DYNC1I1: variants seen among roughly 807,000 people sequenced by gnomAD.
DYNC1I1 encodes the protein dynein cytoplasmic 1 intermediate chain 1.
Under a neutral mutation model 86.6 loss-of-function variants are expected in DYNC1I1, and 43 were observed. The ratio of observed to expected loss-of-function variants is 0.50; its 90% confidence interval spans 0.39 to 0.64. The LOEUF is 0.64. Among genes scored for constraint, DYNC1I1 ranks in the 30% least tolerant of loss-of-function variants. The probability of loss-of-function intolerance (pLI) is 0.00; values close to 1 mark genes in which losing one functional copy is unlikely to be tolerated. For synonymous variants in DYNC1I1, 262 were observed against 283.7 expected, an observed-to-expected ratio of 0.92 and a Z score of 0.77; for missense variants, 604 against 788.8, an observed-to-expected ratio of 0.77 and a Z score of 2.81.
chr7:95,984,944 A>T lies in DYNC1I1; in HGVS notation c.710A>T (p.Asp237Val). 1.2e-6 allele frequency: 2 copies of T among 1,613,498 alleles called. No individual in the cohort carries two copies. The highest frequency in any genetic ancestry group is 1.7e-6 in the Non-Finnish European group (2 of 1,179,644). Residue 237 changes from aspartate (D) to valine (V), a missense_variant, in exon 8 of 17, where the codon GAC becomes GTC. Transcript: ENST00000447467. Reference sequence around the variant, plus strand: ...GCTGAAGATTCCGACATCTTTTTTGACTACAGCGGCCGAGAGTTAGAGGAA... The same window carrying T: ...GCTGAAGATTCCGACATCTTTTTTGTCTACAGCGGCCGAGAGTTAGAGGAA... ...ALAEDSDIFF[D>V]YSGRELEEKD...
intron 10 of DYNC1I1, among the ~76,000 whole-genome samples, chr7:96,002,132 G>A (rs899705216): frequency 3.3e-5 from 5 of 152,118 alleles, no homozygotes; most frequent in African/African-American, 1.2e-4. Context: ...TGATAGGCTG[G>A]AGGTGAGACC....
chr7:95,951,023 G>T (rs1376804391), intron 6 of DYNC1I1, among the ~76,000 whole-genome samples: 4 of 152,148 alleles, frequency 2.6e-5, no homozygotes, highest in Non-Finnish European at 5.9e-5. Flanking sequence ...GAGTCGAATA[G>T]AATAGACAGG....
chr7:95,940,830 C>T (rs879517776), intron 6 of DYNC1I1, among the ~76,000 whole-genome samples: 19 of 152,192 alleles, frequency 1.2e-4, no homozygotes, highest in Admixed American at 9.2e-4. Flanking sequence ...AGCTTTGTTC[C>T]GTTGCTGGTG....
intron 10 of DYNC1I1, among the ~76,000 whole-genome samples, chr7:96,018,081 G>A (rs1405468688): frequency 6.6e-6 from 1 of 152,210 alleles, no homozygotes; most frequent in Non-Finnish European, 1.5e-5. Flanking sequence ...CTCTACACCA[G>A]CAGCAGAAAC....
chr7:95,842,089 G>A (rs1324040358), intron 5 of DYNC1I1, among the ~76,000 whole-genome samples: 1 of 152,208 alleles, frequency 6.6e-6, no homozygotes, highest in Non-Finnish European at 1.5e-5. Flanking sequence ...ACTGAGAGAT[G>A]GAGGTTCCCC....
At chr7:95,885,267 A>G (rs1352240093) in intron 6 of DYNC1I1, among the ~76,000 whole-genome samples, 1 of 152,042 alleles carries the variant, frequency 6.6e-6, no homozygotes. Context: ...TCCCAGGTTC[A>G]AGTGATTCTC....
chr7:95,951,594 T>A (rs1792555835), intron 6 of DYNC1I1, among the ~76,000 whole-genome samples: 1 of 152,236 alleles, frequency 6.6e-6, no homozygotes, highest in Non-Finnish European at 1.5e-5. Context: ...GATTAAAATA[T>A]CTTTTCTATG....
At chr7:96,103,113 T>C (rs981117559), downstream of DYNC1I1, among the ~76,000 whole-genome samples, 34 of 152,190 alleles carry the variant, frequency 2.2e-4, no homozygotes, top group African/African-American at 8.2e-4. Context: ...ACCTCCTCCA[T>C]GCTTGCATAC....
chr7:95,956,044 G>A (rs1792701555), intron 6 of DYNC1I1, among the ~76,000 whole-genome samples: 1 of 152,120 alleles, frequency 6.6e-6, no homozygotes, highest in Non-Finnish European at 1.5e-5. Flanking sequence ...TACAGTATTT[G>A]AATTGAAAAG....
intron 1 of DYNC1I1, among the ~76,000 whole-genome samples, chr7:95,785,493 G>A (rs1562891443): frequency 1.3e-5 from 2 of 151,822 alleles, no homozygotes; most frequent in African/African-American, 2.4e-5. Flanking sequence ...TGCATTTAAT[G>A]GCTCATTCTT....
At chr7:95,917,536 C>T (rs1404472855) in intron 6 of DYNC1I1, among the ~76,000 whole-genome samples, 1 of 152,170 alleles carries the variant, frequency 6.6e-6, no homozygotes, top group Non-Finnish European at 1.5e-5. Context: ...ACCCCCACCA[C>T]TTATATAGGT....
chr7:96,008,274 G>A (rs964020761), intron 10 of DYNC1I1, among the ~76,000 whole-genome samples: 29 of 152,110 alleles, frequency 1.9e-4, no homozygotes, highest in African/African-American at 6.8e-4. Context: ...TGAGAAGAGA[G>A]ATGCAAAGTT....
rs146649360 is a variant in DYNC1I1 at position 95,918,297 on chromosome 7, G to T, written c.490+48299G>T. On this transcript the variant is annotated intron_variant, in intron 6 of 16. Coordinates refer to ENST00000447467, the MANE Select transcript of DYNC1I1 (RefSeq NM_001135556.2). ...CACATTATAATTTCCCTGCCTCTCG[G>T]TCTAAGTGTCCACTAGTGATCACTG... 1.9e-4 allele frequency among the ~76,000 whole-genome samples: 29 copies of T among 152,224 alleles called. No homozygotes were observed. In the East Asian group the frequency reaches 5.2e-3, roughly 27 times the overall value.
At chr7:95,968,700 G>C (rs1277060631) in intron 6 of DYNC1I1, among the ~76,000 whole-genome samples, 1 of 152,188 alleles carries the variant, frequency 6.6e-6, no homozygotes, top group Non-Finnish European at 1.5e-5. Context: ...GAAGAATAGA[G>C]AATGGAATTG....
At chr7:96,064,605 C>A (rs1789901673) in intron 14 of DYNC1I1, among the ~76,000 whole-genome samples, 2 of 149,558 alleles carry the variant, frequency 1.3e-5, no homozygotes, top group East Asian at 2.0e-4. Flanking sequence ...GGTTCTGAAC[C>A]AAGGTAACAT....
intron 5 of DYNC1I1, among the ~76,000 whole-genome samples, chr7:95,858,931 A>G (rs1348499365): frequency 3.4e-5 from 5 of 145,978 alleles, no homozygotes; most frequent in Non-Finnish European, 7.5e-5. Context: ...TTATTATATT[A>G]TATATTATAT....
chr7:95,953,329 A>T (rs1415878268), intron 6 of DYNC1I1, among the ~76,000 whole-genome samples: 1 of 151,890 alleles, frequency 6.6e-6, no homozygotes, highest in Non-Finnish European at 1.5e-5. Flanking sequence ...TGCTGTAAAA[A>T]CTGAGTTGTA....
At chr7:95,855,052 C>T (rs1452177327) in intron 5 of DYNC1I1, among the ~76,000 whole-genome samples, 1 of 152,172 alleles carries the variant, frequency 6.6e-6, no homozygotes, top group Non-Finnish European at 1.5e-5. Context: ...CAGCTTTAGG[C>T]TAAACTTAAT....
intron 5 of DYNC1I1, among the ~76,000 whole-genome samples, chr7:95,854,499 A>C (rs1789664788): frequency 6.6e-6 from 1 of 152,016 alleles, no homozygotes; most frequent in Non-Finnish European, 1.5e-5. Context: ...TCCCTTAACA[A>C]ATTATTGTTT....
Sources: gnomAD v4.1 joint callset for allele counts (sites outside exome capture counted in the v4.1 genomes callset) on GRCh38, gnomAD v4.1.1 for gene constraint, MANE v1.5 for transcripts, NCBI Gene and HGNC (gene_info 2026-07-23, HGNC 2026-07-21) for gene names.